WDTC1: variants seen among roughly 807,000 people sequenced by gnomAD.
The protein encoded by WDTC1 is WD and tetratricopeptide repeats 1, also known as WD and tetratricopeptide repeats protein 1.
In WDTC1, 12 loss-of-function variants were observed where a neutral mutation model predicts 76.0. The ratio of observed to expected loss-of-function variants is 0.16; its 90% CI spans 0.10 to 0.26. The LOEUF (loss-of-function observed/expected upper bound fraction) is 0.26. WDTC1 is among the 10% of genes least tolerant of loss of function. The pLI is 1.00. For missense variants in WDTC1, 511 were observed against 908.8 expected, an observed-to-expected ratio of 0.56 and a Z score of 5.63; for synonymous variants, 326 against 350.8, an observed-to-expected ratio of 0.93 and a Z score of 0.79.
intron 3 of WDTC1, among the ~76,000 whole-genome samples, chr1:27,269,621 G>GT (rs538857228): frequency 0.014 from 1,810 of 126,820 alleles, 49 homozygotes; most frequent in East Asian, 0.023. Context: ...TTTTTTTTCG[G>GT]TTTTTTTTTT....
At chr1:27,270,745 C>A (rs529267762) in intron 3 of WDTC1, among the ~76,000 whole-genome samples, 26 of 152,066 alleles carry the variant, frequency 1.7e-4, no homozygotes, top group Non-Finnish European at 2.6e-4. Flanking sequence ...GAGTAAGATC[C>A]TATCTCAAAA....
chr1:27,258,062 T>C (rs977276136), intron 1 of WDTC1, among the ~76,000 whole-genome samples: 2 of 151,696 alleles, frequency 1.3e-5, no homozygotes, highest in Admixed American at 6.5e-5. Flanking sequence ...GTGCTGAGAT[T>C]AAGGCATGAG....
intron 3 of WDTC1, among the ~76,000 whole-genome samples, chr1:27,281,094 C>T (rs1270495977): frequency 2.6e-5 from 4 of 151,900 alleles, no homozygotes; most frequent in African/African-American, 9.7e-5. Flanking sequence ...CTGGAAGATC[C>T]AAGGAGTTTT....
At chr1:27,298,471 C>T (rs1334027507) in intron 12 of WDTC1, among the ~76,000 whole-genome samples, 2 of 152,206 alleles carry the variant, frequency 1.3e-5, no homozygotes, top group Non-Finnish European at 2.9e-5. Flanking sequence ...GCAGTGGAAT[C>T]TTGCTAAGTG....
chr1:27,292,377 C>A lies in WDTC1; in HGVS notation c.642C>A (p.Ile214=). Residue 214 remains isoleucine, a synonymous_variant, in exon 7 of 16, where the codon ATC becomes ATA. Coordinates refer to ENST00000319394, the MANE Select transcript of WDTC1 (RefSeq NM_001276252.2). ...ASGPFVRLYD[I]RMIHNHRKSM... is the part of the protein sequence containing the mutation. ...GGCCCTTCGTGAGGCTCTATGACAT[C>A]CGCATGATCCATAACCACAGGTATG... 1 of 1,605,584 alleles carries A rather than the reference C, an allele frequency of 6.2e-7. No homozygotes were observed. The highest frequency in any genetic ancestry group is 8.5e-7 in the Non-Finnish European group (1 of 1,175,654).
In WDTC1 at chr1:27,294,620, G is replaced by T. The variant is rs1486035430; in HGVS notation, c.864G>T (p.Gly288=). Residue 288 remains glycine, a synonymous_variant, in exon 9 of 16, where the codon GGG becomes GGT. Coordinates refer to ENST00000319394, the MANE Select transcript of WDTC1 (RefSeq NM_001276252.2). ...GCACAGAGCTACTAGTCAACATGGG[G>T]GGGGAACAGGTATGTACAGCATAAG... ...PNGTELLVNM[G]GEQVYLFDLT... The T allele has an allele frequency of 3.7e-6, 6 of 1,613,922 alleles. No homozygotes were observed. Among genetic ancestry groups the T allele is most frequent in the African/African-American group, 1.3e-5 (1 of 75,026 alleles).
intron 8 of WDTC1, 71 bp from the exon 9 acceptor site, chr1:27,294,443 C>A: frequency 7.2e-7 from 1 of 1,385,104 alleles, no homozygotes; most frequent in Non-Finnish European, 1.0e-6. Flanking sequence ...TTTGATATGA[C>A]TGACTTCACA....
chr1:27,241,818 C>G (rs1004236814), intron 1 of WDTC1, among the ~76,000 whole-genome samples: 1 of 151,512 alleles, frequency 6.6e-6, no homozygotes, highest in African/African-American at 2.4e-5. Context: ...CACTGGAAAA[C>G]AAAGTTCTGA....
chr1:27,292,181 A>G, intron 6 of WDTC1, 34 bp from the exon 7 acceptor site: 1 of 1,479,012 alleles, frequency 6.8e-7, no homozygotes, highest in Non-Finnish European at 9.1e-7. Context: ...AAGGACCCCA[A>G]GCCCCAATTC....
At chr1:27,249,606 G>C (rs1241695818) in intron 1 of WDTC1, among the ~76,000 whole-genome samples, 1 of 150,796 alleles carries the variant, frequency 6.6e-6, no homozygotes, top group South Asian at 2.1e-4. Context: ...TTCTTTTTGA[G>C]ACTGAATCTC....
At chr1:27,288,449 T>A (rs896192035) in intron 6 of WDTC1, among the ~76,000 whole-genome samples, 5 of 152,030 alleles carry the variant, frequency 3.3e-5, no homozygotes, top group Admixed American at 6.6e-5. Flanking sequence ...GTCAGCAGAT[T>A]AACAAGTGAA....
chr1:27,282,204 C>T (rs374951149), intron 3 of WDTC1, 35 bp from the exon 4 acceptor site: 56 of 1,610,800 alleles, frequency 3.5e-5, no homozygotes, highest in South Asian at 3.4e-4. Flanking sequence ...AACCCCTAAC[C>T]AACTCTCTTC....
In WDTC1 at chr1:27,301,153, A is replaced by C. The variant is rs1294243511; in HGVS notation, c.1233-73A>C. The C allele has an allele frequency of 1.2e-5, 16 of 1,370,496 alleles. No individual in the cohort carries two copies. The highest frequency in any genetic ancestry group is 1.6e-5 in the Non-Finnish European group (16 of 978,396). The allele number at this position is 1,370,496 out of a possible 1,614,324, so 84.9% of individuals were successfully genotyped here. A position where few individuals can be genotyped will look rare whatever the true frequency, so the allele number is the denominator to read the frequency against. On this transcript the variant is annotated intron_variant, in intron 12 of 15. Transcript: ENST00000319394. The surrounding 1 kb of genome is among the most constrained non-coding windows in gnomAD (Gnocchi z 5.8). The stretch of plus-strand genomic sequence containing the variant: ...GTGGGCTGGGGTGGCCACAGGAAGC[A>C]GAGGAGACTGAATGGGGACCCCTTG...
intron 4 of WDTC1, among the ~76,000 whole-genome samples, 181 bp downstream of exon 4, chr1:27,282,466 A>G (rs1413271745): frequency 1.3e-5 from 2 of 152,142 alleles, no homozygotes; most frequent in Non-Finnish European, 2.9e-5. Context: ...TCTCAGATAG[A>G]TGGAAAGTTG....
chr1:27,255,240 G>A (rs1557482580), intron 1 of WDTC1, among the ~76,000 whole-genome samples: 3 of 151,988 alleles, frequency 2.0e-5, no homozygotes, highest in African/African-American at 7.3e-5. Context: ...GCAATTTAGT[G>A]GGCTCTTTTG....
chr1:27,254,130 C>A (rs909201773), intron 1 of WDTC1, among the ~76,000 whole-genome samples: 18 of 151,908 alleles, frequency 1.2e-4, no homozygotes, highest in Admixed American at 2.6e-4. Flanking sequence ...AAGAAAAAAA[C>A]AAAATGATTT....
rs976865165 is a variant in WDTC1, at chr1:27,308,316, T to A, written c.*1933T>A. On this transcript the variant is annotated 3_prime_UTR_variant, in exon 16 of 16. Transcript: ENST00000319394. The stretch of plus-strand genomic sequence containing the variant: ...GTGAGGGCACCTGGTCCCTCACCTC[T>A]GTAGCTCTATGACTTAGTAACCACA... 54 of 152,362 alleles carry A rather than the reference T, an allele frequency of 3.5e-4. No individual in the cohort carries two copies. The highest frequency in any genetic ancestry group is 1.3e-3 in the African/African-American group (52 of 41,572). The allele number at this position is 152,362 out of a possible 1,614,324, so 9.4% of individuals were successfully genotyped here.
chr1:27,290,743 G>A (rs529510952), intron 6 of WDTC1, among the ~76,000 whole-genome samples: 3 of 152,154 alleles, frequency 2.0e-5, no homozygotes, highest in South Asian at 2.1e-4. Context: ...TCCCCAGCCT[G>A]CTTTAATCTG....
At chr1:27,266,836 G>A (rs375857888) in intron 3 of WDTC1, among the ~76,000 whole-genome samples, 3 of 152,260 alleles carry the variant, frequency 2.0e-5, no homozygotes, top group African/African-American at 4.8e-5. Flanking sequence ...GTGGTTACTG[G>A]TTATGTTTTC....
Sources: allele counts gnomAD v4.1 joint callset (sites outside exome capture counted in the v4.1 genomes callset), GRCh38; gene constraint gnomAD v4.1.1; non-coding constraint Gnocchi (gnomAD v3.1); transcripts MANE v1.5; gene names NCBI Gene and HGNC (gene_info 2026-07-23, HGNC 2026-07-21).